IL17RD: variants seen among roughly 807,000 people sequenced by gnomAD.
The protein encoded by IL17RD is interleukin 17 receptor D.
IL17RD carries 52 observed loss-of-function variants against 80.5 expected under a neutral mutation model. The ratio of observed to expected loss-of-function variants is 0.65; its 90% CI spans 0.52 to 0.81. IL17RD has a LOEUF of 0.81. Among genes scored for constraint, IL17RD ranks in the 40% least tolerant of loss-of-function variants. IL17RD has a pLI of 0.00. For missense variants in IL17RD, 1,024 were observed against 955.1 expected, an observed-to-expected ratio of 1.07 and a Z score of -0.95; for synonymous variants, 416 against 391.8, an observed-to-expected ratio of 1.06 and a Z score of -0.73.
chr3:57,166,230 A>G (rs2107552250), upstream of IL17RD, among the ~76,000 whole-genome samples: 1 of 152,148 alleles, frequency 6.6e-6, no homozygotes, highest in East Asian at 1.9e-4. Context: ...GTCCCTCTCC[A>G]CTACCCCCTT....
chr3:57,113,425 C>T (rs372161820), intron 3 of IL17RD, among the ~76,000 whole-genome samples: 172 of 152,050 alleles, frequency 1.1e-3, no homozygotes, highest in South Asian at 4.8e-3. Context: ...TTAGTGGAGA[C>T]GGGGTTTCAC....
intron 1 of IL17RD, among the ~76,000 whole-genome samples, chr3:57,163,793 C>CG (rs1304017874): frequency 0.052 from 1,124 of 21,676 alleles, 116 homozygotes; most frequent in Middle Eastern, 0.12. Flanking sequence ...GGCGGGGGGG[C>CG]GGGGGGGGAA....
At chr3:57,114,167 GA>G (rs1707160958) in intron 3 of IL17RD, among the ~76,000 whole-genome samples, 1 of 148,432 alleles carries the variant, frequency 6.7e-6, no homozygotes, top group South Asian at 2.1e-4. Flanking sequence ...CTGGGTGAAA[GA>G]GCGAAACTAT....
intron 1 of IL17RD, among the ~76,000 whole-genome samples, chr3:57,152,955 T>C (rs2060239109): frequency 6.6e-6 from 1 of 152,134 alleles, no homozygotes; most frequent in African/African-American, 2.4e-5. Flanking sequence ...CAAACACAGG[T>C]CTTTAATAGG....
chr3:57,150,550 G>C (rs943395896), intron 1 of IL17RD: 3 of 152,298 alleles, frequency 2.0e-5, no homozygotes, highest in Admixed American at 1.3e-4. Flanking sequence ...AGGCTTGCTG[G>C]GAAGTGATGA....
chr3:57,162,370 T>C (rs1404661048), intron 1 of IL17RD, among the ~76,000 whole-genome samples: 2 of 152,204 alleles, frequency 1.3e-5, no homozygotes, highest in African/African-American at 2.4e-5. Context: ...TCGACCCTTA[T>C]CCTTTTATGT....
In IL17RD at chr3:57,106,021, A is replaced by G. The variant is rs1706956657; in HGVS notation, c.596-13T>C. ...CGAGGCTTCCAGACTGGAAGAAGGT[A>G]GGACCCAGAGTGAGCAACCAGAGGC... On this transcript the variant is annotated splice_polypyrimidine_tract_variant and intron_variant, in intron 6 of 12. Coordinates refer to ENST00000296318, the MANE Select transcript of IL17RD (RefSeq NM_017563.5). 4 of 1,613,582 alleles carry G rather than the reference A, an allele frequency of 2.5e-6. No individual in the cohort carries two copies. The African/African-American group carries it at 4.0e-5, about 16-fold the overall frequency.
Position 57,094,923 on chromosome 3 carries a change from G to A in IL17RD, c.*1470C>T, listed in dbSNP as rs1446911183. 6.6e-6 allele frequency: 1 copy of A among 152,668 alleles called. No homozygotes were observed. Among genetic ancestry groups the A allele is most frequent in the African/African-American group, 2.4e-5 (1 of 41,460 alleles). 9.5% of individuals were successfully genotyped at this position (152,668 alleles called of 1,614,324 possible). A position where few individuals can be genotyped will look rare whatever the true frequency, so the allele number is the denominator to read the frequency against. ...CTGCCAGCTGCCTTTACAGAGCAGT[G>A]AGTATGACATTTGCATCAGAAATAT... On this transcript the variant is annotated 3_prime_UTR_variant, in exon 13 of 13. Transcript: ENST00000296318.
chr3:57,152,078 A>T (rs966529349), intron 1 of IL17RD, among the ~76,000 whole-genome samples: 3 of 152,150 alleles, frequency 2.0e-5, no homozygotes, highest in Admixed American at 6.5e-5. Context: ...TGAAATCAAA[A>T]GCACCTTGCA....
At chr3:57,106,040 C>T (rs1287740107) in intron 6 of IL17RD, 32 bp from the exon 7 acceptor site, 19 of 1,613,206 alleles carry the variant, frequency 1.2e-5, no homozygotes, top group Non-Finnish European at 1.6e-5. Flanking sequence ...AGTGAGCAAC[C>T]AGAGGCTACC....
rs1372880871 is a variant in IL17RD at position 57,165,163 on chromosome 3, T to G, written c.124A>C (p.Arg42=). 1 of 1,522,738 alleles carries G rather than the reference T, an allele frequency of 6.6e-7. No homozygotes were observed. Among genetic ancestry groups the G allele is most frequent in the Non-Finnish European group, 8.8e-7 (1 of 1,137,204 alleles). The allele number at this position is 1,522,738 out of a possible 1,614,324, so 94.3% of individuals were successfully genotyped here. ...GAAACCCGCCGCCCTCGCCTTACCC[T>G]CCAGCCACAGGTGTCGGCGCCCCGC... ...RARGADTCGW[R]GVGPASRNSG... The change falls in exon 1 of 13, where the codon AGG becomes CGG. Residue 42 remains arginine (R), a splice_region_variant and synonymous_variant. Coordinates refer to ENST00000296318, the MANE Select transcript of IL17RD (RefSeq NM_017563.5).
In IL17RD at chr3:57,106,008, A is replaced by C; in HGVS notation, c.596T>G (p.Phe199Cys). The C allele has an allele frequency of 6.2e-7, 1 of 1,613,780 alleles. No individual in the cohort carries two copies. Among genetic ancestry groups the C allele is most frequent in the Non-Finnish European group, 8.5e-7 (1 of 1,179,734 alleles). ...GATGTTCAGGTTCCGAGGCTTCCAG[A>C]CTGGAAGAAGGTAGGACCCAGAGTG... The part of the protein sequence containing the change: ...LQPDNLACKP[F>C]WKPRNLNISQ... Residue 199 changes from phenylalanine (F) to cysteine (C), a missense_variant and splice_region_variant, in exon 7 of 13, where the codon TTC becomes TGC. By Grantham distance (205) the Phe-to-Cys change is radical. Transcript: ENST00000296318.
intron 1 of IL17RD, chr3:57,164,842 C>T (rs2107550811): frequency 1.9e-6 from 2 of 1,077,034 alleles, no homozygotes; most frequent in Non-Finnish European, 2.3e-6. Context: ...GGTCCCGGGC[C>T]AAGAACAAAG....
chr3:57,164,863 C>G, intron 1 of IL17RD: 1 of 1,162,850 alleles, frequency 8.6e-7, no homozygotes. Context: ...GGTGGGGCGC[C>G]CGGCCCAGCC....
upstream of IL17RD, among the ~76,000 whole-genome samples, chr3:57,167,956 G>T (rs1407121977): frequency 1.3e-5 from 2 of 152,012 alleles, no homozygotes; most frequent in South Asian, 4.1e-4. Flanking sequence ...TCAGCCTCCC[G>T]AGTAGCTGGG....
intron 1 of IL17RD, among the ~76,000 whole-genome samples, chr3:57,129,449 CCA>C (rs1707561370): frequency 6.6e-6 from 1 of 152,162 alleles, no homozygotes; most frequent in South Asian, 2.1e-4. Flanking sequence ...AGCCTTAGGA[CCA>C]CACAGAGAGG....
At chr3:57,159,490 G>A (rs1177200960) in intron 1 of IL17RD, among the ~76,000 whole-genome samples, 2 of 152,208 alleles carry the variant, frequency 1.3e-5, no homozygotes, top group Non-Finnish European at 2.9e-5. Flanking sequence ...GAGACAATGT[G>A]TTTCGGAGGC....
intron 1 of IL17RD, among the ~76,000 whole-genome samples, chr3:57,155,427 G>A (rs2060260777): frequency 6.6e-6 from 1 of 152,216 alleles, no homozygotes; most frequent in Non-Finnish European, 1.5e-5. Flanking sequence ...CACTCTCCCT[G>A]TCATGAGTGG....
Position 57,101,184 on chromosome 3 carries a change from A to G in IL17RD, c.1159T>C (p.Cys387Arg). 6.2e-7 allele frequency: 1 copy of G among 1,613,424 alleles called. No individual in the cohort carries two copies. Among genetic ancestry groups the G allele is most frequent in the Non-Finnish European group, 8.5e-7 (1 of 1,179,514 alleles). ...AGGAACTTTAGATTCCGCACCTCAC[A>G]GCCACAGAAGTCCTGGAGGAAGTAG... ...FAYFLQDFCG[C>R]EVALDLWEDF... Residue 387 changes from cysteine to arginine, a missense_variant, in exon 11 of 13, where the codon TGT becomes CGT. Cys to Arg is a radical substitution (Grantham distance 180). Coordinates refer to ENST00000296318, the MANE Select transcript of IL17RD (RefSeq NM_017563.5).
Sources: allele counts gnomAD v4.1 joint callset (sites outside exome capture counted in the v4.1 genomes callset), GRCh38; gene constraint gnomAD v4.1.1; transcripts MANE v1.5; gene names NCBI Gene and HGNC (gene_info 2026-07-23, HGNC 2026-07-21).